The following FRYL variants were observed in gnomAD, a reference collection of about 807,000 sequenced individuals.
The protein encoded by FRYL is FRY like transcription coactivator, also known as protein furry homolog-like.
A neutral mutation model predicts 351.2 loss-of-function variants in FRYL; 150 were observed. The ratio of observed to expected loss-of-function variants is 0.43; its 90% CI spans 0.37 to 0.49. FRYL has a LOEUF of 0.49. Among genes scored for constraint, FRYL ranks in the 20% least tolerant of loss-of-function variants. The pLI is 0.00. For missense variants in FRYL, 3,036 were observed against 3,619.3 expected, an observed-to-expected ratio of 0.84 and a Z score of 4.13; for synonymous variants, 1,153 against 1,257.1, an observed-to-expected ratio of 0.92 and a Z score of 1.75.
chr4:48,528,318 T>G lies in FRYL; in HGVS notation c.6922A>C (p.Lys2308Gln), dbSNP rs770151444. Residue 2308 changes from lysine to glutamine, a missense_variant, in exon 51 of 64, where the codon AAA (lysine) becomes CAA (glutamine). By Grantham distance (53) the Lys-to-Gln change is moderately conservative. Transcript: ENST00000358350. Reference sequence around the variant, plus strand: ...GCCGCACTGTGCTGATCACCATATTTGTTTCCAATAATTGGTGTCTACACA... The same window carrying G: ...GCCGCACTGTGCTGATCACCATATTGGTTTCCAATAATTGGTGTCTACACA... Reference protein sequence around the residue: ...DISETPIIGNKYGDQHSAAGR... With the variant: ...DISETPIIGNQYGDQHSAAGR... 7 of 1,609,078 alleles carry G rather than the reference T, an allele frequency of 4.4e-6. No homozygotes were observed. The South Asian group carries it at 7.8e-5, about 18-fold the overall frequency.
intron 11 of FRYL, among the ~76,000 whole-genome samples, chr4:48,605,196 A>G (rs1398265894): frequency 6.6e-6 from 1 of 152,204 alleles, no homozygotes; most frequent in Non-Finnish European, 1.5e-5. Flanking sequence ...CATTTTTAAA[A>G]ATCTTCAATG....
chr4:48,775,667 T>A (rs1161744278), intron 1 of FRYL, among the ~76,000 whole-genome samples: 1 of 152,042 alleles, frequency 6.6e-6, no homozygotes. Context: ...CTATGAGGAG[T>A]GCCCGCTGGG....
chr4:48,595,391 A>C (rs552998876), intron 15 of FRYL, among the ~76,000 whole-genome samples, 199 bp downstream of exon 15: 8 of 152,298 alleles, frequency 5.3e-5, no homozygotes, highest in Admixed American at 5.2e-4. Flanking sequence ...GGATTATGAG[A>C]TATGTTGTTT....
chr4:48,752,360 T>G (rs1773335184), intron 1 of FRYL, among the ~76,000 whole-genome samples: 2 of 72,262 alleles, frequency 2.8e-5, no homozygotes, highest in African/African-American at 4.9e-5. Context: ...TGAACCATCT[T>G]GACTCCGGAT....
chr4:48,767,208 T>C (rs1578974455), intron 1 of FRYL, among the ~76,000 whole-genome samples: 1 of 151,800 alleles, frequency 6.6e-6, no homozygotes, highest in African/African-American at 2.4e-5. Context: ...TGGCAGAAGG[T>C]GAAGAGGAAG....
rs1380564923 is a variant in FRYL at position 48,669,105 on chromosome 4, T to TTTTACTTGC, written c.-81+15559_-81+15567dup. 7.2e-5 allele frequency among the ~76,000 whole-genome samples: 11 copies of TTTTACTTGC among 152,352 alleles called. No homozygotes were observed. The East Asian group carries it at 2.1e-3, about 29-fold the overall frequency. ...TTTACACCTTTATTATTTTAGTATGTTTTACTTGCTATTTATTTAGCGATA... is the reference window on the plus strand; with the variant it reads ...TTTACACCTTTATTATTTTAGTATGTTTTACTTGCTTTACTTGCTATTTATTTAGCGATA... On this transcript the variant is annotated intron_variant, in intron 3 of 63. Coordinates refer to ENST00000358350, the MANE Select transcript of FRYL (RefSeq NM_015030.2).
At chr4:48,709,565 AGATAG>A (rs1344922134) in intron 2 of FRYL, among the ~76,000 whole-genome samples, 1 of 152,228 alleles carries the variant, frequency 6.6e-6, no homozygotes, top group Admixed American at 6.5e-5. Context: ...TATCTCTATC[AGATAG>A]GTTAGGGAAG....
intron 28 of FRYL, among the ~76,000 whole-genome samples, chr4:48,566,727 C>G (rs976180657): frequency 6.6e-6 from 1 of 152,206 alleles, no homozygotes; most frequent in Non-Finnish European, 1.5e-5. Flanking sequence ...TTACTTCTTA[C>G]AGTTGTAAAT....
At chr4:48,695,220 G>GT (rs1766041579) in intron 2 of FRYL, among the ~76,000 whole-genome samples, 9 of 152,164 alleles carry the variant, frequency 5.9e-5, no homozygotes, top group Admixed American at 5.9e-4. Flanking sequence ...CTGTGGTGCT[G>GT]TAAGAGTTGC....
chr4:48,740,033 C>G (rs535220628), intron 1 of FRYL, among the ~76,000 whole-genome samples: 16 of 152,240 alleles, frequency 1.1e-4, no homozygotes, highest in Middle Eastern at 3.4e-3. Context: ...ACTTCTCAGC[C>G]TCTACAACTG....
chr4:48,640,719 T>C (rs1179021621), intron 3 of FRYL, among the ~76,000 whole-genome samples: 1 of 151,956 alleles, frequency 6.6e-6, no homozygotes, highest in Non-Finnish European at 1.5e-5. Context: ...AAACTGGGAG[T>C]GGAGAGAGGG....
At chr4:48,564,294 C>T (rs1287558785) in intron 30 of FRYL, among the ~76,000 whole-genome samples, 192 bp from the exon 31 acceptor site, 1 of 152,216 alleles carries the variant, frequency 6.6e-6, no homozygotes, top group Non-Finnish European at 1.5e-5. Context: ...CTGAATTTGG[C>T]CTCTCGCTTT....
At chr4:48,778,301 G>A (rs1190922148) in intron 1 of FRYL, among the ~76,000 whole-genome samples, 2 of 149,550 alleles carry the variant, frequency 1.3e-5, no homozygotes, top group Non-Finnish European at 3.0e-5. Context: ...TAAATTAATC[G>A]ATGAACGCTT....
chr4:48,763,722 T>A (rs1774645906), intron 1 of FRYL, among the ~76,000 whole-genome samples: 2 of 152,094 alleles, frequency 1.3e-5, no homozygotes, highest in Non-Finnish European at 2.9e-5. Context: ...TCCGCTAAGA[T>A]CAGCCAAGAA....
chr4:48,743,586 T>A (rs1772351003), intron 1 of FRYL, among the ~76,000 whole-genome samples: 1 of 152,218 alleles, frequency 6.6e-6, no homozygotes, highest in South Asian at 2.1e-4. Context: ...AACATCTCAG[T>A]GAATACTTGT....
chr4:48,575,187 G>A lies in FRYL; in HGVS notation c.2776C>T (p.Arg926Cys), dbSNP rs1220186866. The change falls in exon 25 of 64, where the codon CGT (arginine) becomes TGT (cysteine). Residue 926 changes from arginine (R) to cysteine (C), a missense_variant. By Grantham distance (180) the Arg-to-Cys change is radical (BLOSUM62 -3). Transcript: ENST00000358350. ...SLFKHIVPMM[R>C]SESMEITESL... ...TCTGTGATTTCCATGCTCTCAGAAC[G>A]CATCATTGGAACTATGTGCTTAAAC... 6.2e-7 allele frequency: 1 copy of A among 1,613,540 alleles called. No individual in the cohort carries two copies. The highest frequency in any genetic ancestry group is 8.5e-7 in the Non-Finnish European group (1 of 1,179,506).
Position 48,598,682 on chromosome 4 carries a change from C to T in FRYL, c.1036-2682G>A, listed in dbSNP as rs17656278. ...TTAAACCTTCTGAAGAATGTTTCTGCTGTGTGCTACTCTTCTCTTAAAATA... is the reference window on the plus strand; with the variant it reads ...TTAAACCTTCTGAAGAATGTTTCTGTTGTGTGCTACTCTTCTCTTAAAATA... On this transcript the variant is annotated intron_variant, in intron 13 of 63. Coordinates refer to ENST00000358350, the MANE Select transcript of FRYL (RefSeq NM_015030.2). The T allele has an allele frequency of 2.4e-3, 403 of 170,686 alleles. 8 individuals carry two copies. The East Asian group carries it at 0.062, about 26-fold the overall frequency. The allele number at this position is 170,686 out of a possible 1,614,324, so 10.6% of individuals were successfully genotyped here. A position where few individuals can be genotyped will look rare whatever the true frequency, so the allele number is the denominator to read the frequency against.
chr4:48,548,224 A>T (rs968989115), intron 40 of FRYL, among the ~76,000 whole-genome samples: 1 of 152,134 alleles, frequency 6.6e-6, no homozygotes, highest in African/African-American at 2.4e-5. Flanking sequence ...ATAAGCATCA[A>T]ATGTATTATA....
chr4:48,649,054 G>C (rs773217707), intron 3 of FRYL, among the ~76,000 whole-genome samples: 1 of 152,148 alleles, frequency 6.6e-6, no homozygotes, highest in African/African-American at 2.4e-5. Flanking sequence ...GAGATTTAAT[G>C]TATGTGCATA....
Sources: gnomAD v4.1 joint callset for allele counts (sites outside exome capture counted in the v4.1 genomes callset) on GRCh38, gnomAD v4.1.1 for gene constraint, MANE v1.5 for transcripts, NCBI Gene and HGNC (gene_info 2026-07-23, HGNC 2026-07-21) for gene names.